MRM1: variants seen among roughly 807,000 people sequenced by gnomAD.
MRM1 encodes the protein mitochondrial rRNA methyltransferase 1, also known as rRNA methyltransferase 1, mitochondrial.
In MRM1, 24 loss-of-function variants were observed where a neutral mutation model predicts 25.0. The ratio of observed to expected loss-of-function variants is 0.96; its 90% CI spans 0.69 to 1.35. The LOEUF (loss-of-function observed/expected upper bound fraction) is 1.35. Among genes scored for constraint, MRM1 ranks in the 40% most tolerant of loss-of-function variants. The probability of loss-of-function intolerance (pLI) is 0.00; values close to 1 mark genes in which losing one functional copy is unlikely to be tolerated. For synonymous variants in MRM1, 188 were observed against 199.2 expected, an observed-to-expected ratio of 0.94 and a Z score of 0.47; for missense variants, 431 against 464.1, an observed-to-expected ratio of 0.93 and a Z score of 0.65.
chr17:36,605,437 A>G (rs2074920633), intron 2 of MRM1, among the ~76,000 whole-genome samples: 1 of 151,628 alleles, frequency 6.6e-6, no homozygotes, highest in Non-Finnish European at 1.5e-5. Flanking sequence ...GCCTCCCAAA[A>G]TGCTGGGATT....
At chr17:36,624,161 G>C in the MRM1 span, among the ~76,000 whole-genome samples, 6 of 152,186 alleles carry the variant, frequency 3.9e-5, no homozygotes, top group Non-Finnish European at 5.9e-5. This position sits in a 1 kb window ranked among gnomAD's most constrained non-coding sequence, Gnocchi z 4.0. Flanking sequence ...CCCTGTCTCT[G>C]ATTCTGTGTC....
the MRM1 span, among the ~76,000 whole-genome samples, chr17:36,618,291 T>C: frequency 1.2e-4 from 18 of 152,246 alleles, no homozygotes; most frequent in African/African-American, 4.3e-4. Flanking sequence ...CAAGTATTTA[T>C]TGAGCACCTA....
chr17:36,626,334 C>T, the MRM1 span, among the ~76,000 whole-genome samples: 53 of 152,240 alleles, frequency 3.5e-4, no homozygotes, highest in Admixed American at 2.4e-3. Context: ...TCACTGTTGA[C>T]GTTCTGGGTC....
downstream of MRM1, among the ~76,000 whole-genome samples, chr17:36,609,770 T>C (rs549895526): frequency 6.6e-6 from 1 of 152,312 alleles, no homozygotes; most frequent in South Asian, 2.1e-4. Context: ...TCCTGGATTG[T>C]TGGGAGAATA....
At chr17:36,625,949 A>G in the MRM1 span, among the ~76,000 whole-genome samples, 1 of 150,982 alleles carries the variant, frequency 6.6e-6, no homozygotes. Context: ...ATCACCCCCT[A>G]AAGCCTCCCC....
the MRM1 span, among the ~76,000 whole-genome samples, chr17:36,627,347 C>T: frequency 6.6e-6 from 1 of 152,314 alleles, no homozygotes; most frequent in South Asian, 2.1e-4. Context: ...CCTGTGCCAG[C>T]CGCCGTTGAC....
chr17:36,631,333 A>G, the MRM1 span, among the ~76,000 whole-genome samples: 1 of 152,364 alleles, frequency 6.6e-6, no homozygotes, highest in African/African-American at 2.4e-5. Flanking sequence ...CATCACACAC[A>G]GAGGGGAATG....
At chr17:36,616,191 A>G in the MRM1 span, among the ~76,000 whole-genome samples, 4 of 152,142 alleles carry the variant, frequency 2.6e-5, no homozygotes, top group Admixed American at 2.0e-4. Context: ...GGTGTTTCAC[A>G]ATGATGCATG....
In MRM1 at chr17:36,602,856, C is replaced by T; in HGVS notation, c.636+210C>T. 5 of 851,368 alleles carry T rather than the reference C, an allele frequency of 5.9e-6. No homozygotes were observed. The highest frequency in any genetic ancestry group is 7.1e-6 in the Non-Finnish European group (5 of 707,870). 52.7% of individuals were successfully genotyped at this position (851,368 alleles called of 1,614,324 possible). ...ATTCTTCCTAGCGTTATACCCTTTC[C>T]TGCACCCCTTCCCCAGGTATGCACC... On this transcript the variant is annotated intron_variant, in intron 2 of 4. Coordinates refer to ENST00000614766, the MANE Select transcript of MRM1 (RefSeq NM_024864.5). This position sits in a 1 kb window ranked among gnomAD's most constrained non-coding sequence, Gnocchi z 4.1.
chr17:36,602,744 T>G lies in MRM1; in HGVS notation c.636+98T>G. On this transcript the variant is annotated intron_variant, in intron 2 of 4. Coordinates refer to ENST00000614766, the MANE Select transcript of MRM1 (RefSeq NM_024864.5). The surrounding 1 kb of genome is among the most constrained non-coding windows in gnomAD (Gnocchi z 4.1). ...CTGGCGAGGGAGAGAAAGGGGCATG[T>G]TGGCACCGCTTCCTTTGGCCTTCTA... The G allele has an allele frequency of 7.0e-7, 1 of 1,429,256 alleles. No homozygotes were observed. Among genetic ancestry groups the G allele is most frequent in the Non-Finnish European group, 9.7e-7 (1 of 1,025,762 alleles). The allele number at this position is 1,429,256 out of a possible 1,614,324, so 88.5% of individuals were successfully genotyped here.
intron 2 of MRM1, among the ~76,000 whole-genome samples, chr17:36,606,639 C>T (rs1001020058): frequency 2.7e-5 from 4 of 148,200 alleles, no homozygotes; most frequent in African/African-American, 1.0e-4. Flanking sequence ...AGTGGAGTCT[C>T]GCTTTGTTGC....
chr17:36,620,535 T>C, the MRM1 span, among the ~76,000 whole-genome samples: 1 of 152,210 alleles, frequency 6.6e-6, no homozygotes, highest in Non-Finnish European at 1.5e-5. Context: ...TGGAAGAGGA[T>C]ACCTTGGAGG....
At chr17:36,621,806 C>T in the MRM1 span, among the ~76,000 whole-genome samples, 2 of 152,104 alleles carry the variant, frequency 1.3e-5, no homozygotes, top group East Asian at 3.9e-4. Context: ...TGTGGCAAGA[C>T]CCTGGGTATG....
intron 2 of MRM1, chr17:36,603,063 C>A: frequency 2.0e-6 from 2 of 985,418 alleles, no homozygotes; most frequent in Non-Finnish European, 2.4e-6. Context: ...TAGCAAGAGA[C>A]AAACCTTGGA....
Position 36,607,887 on chromosome 17 carries a change from C to T in MRM1, c.770-12C>T. 1.9e-6 allele frequency: 3 copies of T among 1,613,444 alleles called. No homozygotes were observed. The South Asian group carries it at 3.3e-5, about 18-fold the overall frequency. On this transcript the variant is annotated splice_polypyrimidine_tract_variant and intron_variant, in intron 3 of 4. Transcript: ENST00000614766. ...GCTGGGCAACCCTAACCCTCAGCCC[C>T]ACGCCCTGCAGGGAATGAGGGCTCA...
the MRM1 span, among the ~76,000 whole-genome samples, chr17:36,632,580 G>A: frequency 2.6e-5 from 4 of 151,606 alleles, no homozygotes; most frequent in East Asian, 7.8e-4. Context: ...CAGTTAACGA[G>A]GATTTGGGCA....
At chr17:36,631,919 T>C in the MRM1 span, among the ~76,000 whole-genome samples, 5 of 152,204 alleles carry the variant, frequency 3.3e-5, no homozygotes, top group African/African-American at 1.2e-4. Context: ...TCCAACATCC[T>C]CTTCTCCATG....
intron 2 of MRM1, among the ~76,000 whole-genome samples, chr17:36,606,091 G>T (rs1277764417): frequency 6.6e-6 from 1 of 152,154 alleles, no homozygotes; most frequent in Non-Finnish European, 1.5e-5. Flanking sequence ...CCACCTTACT[G>T]TTCTCAAACA....
At position 36,607,773 on chromosome 17, in the gene MRM1, T is replaced by C. The variant is rs756490712; in HGVS notation, c.740T>C (p.Leu247Pro). Residue 247 changes from leucine (L) to proline (P), a missense_variant, in exon 3 of 5, where the codon CTC becomes CCC. By Grantham distance (98) the Leu-to-Pro change is moderately conservative. Transcript: ENST00000614766. ...EIPIMSCLEF[L>P]WERPTLLVLG... is the part of the protein sequence containing the mutation. Reference sequence around the variant, plus strand: ...CCCATCATGAGTTGCTTGGAGTTCCTCTGGGAACGGCCTACTCTCCTTGTG... The same window carrying C: ...CCCATCATGAGTTGCTTGGAGTTCCCCTGGGAACGGCCTACTCTCCTTGTG... 3.1e-6 allele frequency: 5 copies of C among 1,613,862 alleles called. No individual in the cohort carries two copies. The highest frequency in any genetic ancestry group is 1.7e-6 in the Non-Finnish European group (2 of 1,180,008).
Sources: allele counts gnomAD v4.1 joint callset (sites outside exome capture counted in the v4.1 genomes callset), GRCh38; gene constraint gnomAD v4.1.1; non-coding constraint Gnocchi (gnomAD v3.1); transcripts MANE v1.5; gene names NCBI Gene and HGNC (gene_info 2026-07-23, HGNC 2026-07-21).